The following SHQ1 variants were observed in gnomAD, a reference collection of about 807,000 sequenced individuals.
SHQ1 encodes protein SHQ1 homolog.
A neutral mutation model predicts 53.8 loss-of-function variants in SHQ1; 49 were observed. The ratio of observed to expected loss-of-function variants is 0.91; its 90% CI spans 0.72 to 1.16. The LOEUF (loss-of-function observed/expected upper bound fraction) is 1.16. Among genes scored for constraint, SHQ1 ranks in the 50% most tolerant of loss-of-function variants. The probability of loss-of-function intolerance (pLI) is 0.00; values close to 1 mark genes in which losing one functional copy is unlikely to be tolerated. For missense variants in SHQ1, 738 were observed against 683.1 expected, an observed-to-expected ratio of 1.08 and a Z score of -0.90; for synonymous variants, 243 against 251.0, an observed-to-expected ratio of 0.97 and a Z score of 0.30.
chr3:72,760,755 G>A (rs1705593734), intron 10 of SHQ1, among the ~76,000 whole-genome samples: 1 of 152,210 alleles, frequency 6.6e-6, no homozygotes, highest in Non-Finnish European at 1.5e-5. Context: ...AAGTCAGCTT[G>A]ACTGTGATGT....
At chr3:72,759,216 G>T (rs572896770) in intron 10 of SHQ1, among the ~76,000 whole-genome samples, 5 of 152,260 alleles carry the variant, frequency 3.3e-5, no homozygotes, top group African/African-American at 1.2e-4. Context: ...ACATTGTGAG[G>T]TTCTGCAAGG....
intron 9 of SHQ1, among the ~76,000 whole-genome samples, chr3:72,797,085 C>A (rs911060519): frequency 2.6e-5 from 4 of 151,856 alleles, no homozygotes; most frequent in African/African-American, 7.3e-5. Flanking sequence ...TGGTGAAACC[C>A]TGTCTCTACT....
the SHQ1 span, among the ~76,000 whole-genome samples, chr3:72,737,170 C>A: frequency 6.6e-6 from 1 of 151,138 alleles, no homozygotes; most frequent in East Asian, 2.0e-4. Context: ...CCTAGCTACT[C>A]AGGAGACTGA....
At chr3:72,848,157 A>G in intron 1 of SHQ1, 41 bp downstream of exon 1, 1 of 1,612,716 alleles carries the variant, frequency 6.2e-7, no homozygotes, top group Non-Finnish European at 8.5e-7. Flanking sequence ...GCAGCTATCT[A>G]ACGAATGCGC....
At chr3:72,802,956 C>T (rs901038395) in intron 9 of SHQ1, among the ~76,000 whole-genome samples, 1 of 152,160 alleles carries the variant, frequency 6.6e-6, no homozygotes, top group African/African-American at 2.4e-5. Flanking sequence ...CATCTCTTAC[C>T]TCCTTTGCCT....
intron 9 of SHQ1, among the ~76,000 whole-genome samples, chr3:72,812,290 T>C (rs1179844905): frequency 6.6e-6 from 1 of 152,228 alleles, no homozygotes; most frequent in Non-Finnish European, 1.5e-5. Context: ...GACAAAACTG[T>C]AAACTTCAAC....
chr3:72,833,534 CAGATAGATAGATAGAT>C (rs113103994), intron 4 of SHQ1, among the ~76,000 whole-genome samples: 9,852 of 149,730 alleles, frequency 0.066, 482 homozygotes, highest in Non-Finnish European at 0.093. Context: ...GGATGATAGA[CAGATAGATAGATAGAT>C]AGATAGATAG....
At chr3:72,805,658 A>C (rs182527332) in intron 9 of SHQ1, among the ~76,000 whole-genome samples, 6 of 152,304 alleles carry the variant, frequency 3.9e-5, no homozygotes, top group Admixed American at 1.3e-4. Flanking sequence ...AATATAGTGT[A>C]GATTTAAATT....
At position 72,835,590 on chromosome 3, in the gene SHQ1, C is replaced by T. The variant is rs114267325; in HGVS notation, c.487-3109G>A. On this transcript the variant is annotated intron_variant, in intron 4 of 10. Coordinates refer to ENST00000325599, the MANE Select transcript of SHQ1 (RefSeq NM_018130.3). ...TCAGAGGGTAAATGGACCGACATAA[C>T]CCCAGAAATTTAAAAACTCTAACTG... Among the ~76,000 whole-genome samples the T allele has an allele frequency of 2.0e-3, 297 of 152,230 alleles. 1 individual carries two copies. Among genetic ancestry groups the T allele is most frequent in the African/African-American group, 6.8e-3 (281 of 41,526 alleles).
chr3:72,813,744 G>C (rs1707207083), intron 8 of SHQ1, among the ~76,000 whole-genome samples: 1 of 131,650 alleles, frequency 7.6e-6, no homozygotes, highest in Non-Finnish European at 1.6e-5. Context: ...CTAGGTGACA[G>C]AGCGAGACAC....
chr3:72,844,312 G>A, intron 2 of SHQ1, 47 bp downstream of exon 2: 2 of 1,483,910 alleles, frequency 1.3e-6, no homozygotes, highest in East Asian at 2.3e-5. Context: ...TGTAAATAAT[G>A]TGAAAAATCC....
chr3:72,799,364 A>G lies in SHQ1; in HGVS notation c.1061-6328T>C, dbSNP rs79754707. On this transcript the variant is annotated intron_variant, in intron 9 of 10. Coordinates refer to ENST00000325599, the MANE Select transcript of SHQ1 (RefSeq NM_018130.3). ...AATTCTGGGATTCTGATGAGACCAT[A>G]TTATCAAAACAGATATGAAGTATTT... Among the ~76,000 whole-genome samples the G allele has an allele frequency of 5.1e-3, 783 of 152,328 alleles. 10 individuals carry two copies. Among genetic ancestry groups the G allele is most frequent in the African/African-American group, 0.018 (753 of 41,578 alleles).
the SHQ1 span, among the ~76,000 whole-genome samples, chr3:72,732,346 A>ATGCCTGCC: frequency 2.1e-4 from 25 of 118,918 alleles, no homozygotes; most frequent in African/African-American, 7.5e-4. Flanking sequence ...AGCCAGTAAA[A>ATGCCTGCC]TGCCTGCCTG....
chr3:72,757,352 C>A (rs1705517002), intron 10 of SHQ1, among the ~76,000 whole-genome samples: 1 of 151,384 alleles, frequency 6.6e-6, no homozygotes, highest in Non-Finnish European at 1.5e-5. Context: ...TATCTGGGAC[C>A]AAACAGTAGA....
rs142159819 is a variant in SHQ1, at chr3:72,835,236, A to AT, written c.487-2756dup. On this transcript the variant is annotated intron_variant, in intron 4 of 10. Transcript: ENST00000325599. Reference sequence around the variant, plus strand: ...ATATTCTGGGGAGAAGCACAAGGACATTTTTTTGGGGAAGGGGACAGTTTT... The same window carrying AT: ...ATATTCTGGGGAGAAGCACAAGGACATTTTTTTTGGGGAAGGGGACAGTTTT... Among the ~76,000 whole-genome samples the AT allele has an allele frequency of 5.5e-3, 835 of 151,822 alleles. 10 individuals carry two copies. The highest frequency in any genetic ancestry group is 0.019 in the African/African-American group (805 of 41,382).
At chr3:72,832,812 C>T (rs543969920) in intron 4 of SHQ1, among the ~76,000 whole-genome samples, 19 of 152,244 alleles carry the variant, frequency 1.2e-4, no homozygotes, top group African/African-American at 4.6e-4. Flanking sequence ...CATCCATTTC[C>T]CCATTTACAC....
intron 10 of SHQ1, among the ~76,000 whole-genome samples, chr3:72,770,039 C>G (rs548874640): frequency 1.3e-5 from 2 of 152,268 alleles, no homozygotes; most frequent in African/African-American, 2.4e-5. Flanking sequence ...TAGCACAATG[C>G]CTGGTATGCA....
intron 10 of SHQ1, among the ~76,000 whole-genome samples, chr3:72,758,063 T>C (rs1705535054): frequency 6.6e-6 from 1 of 152,202 alleles, no homozygotes; most frequent in South Asian, 2.1e-4. Flanking sequence ...TTAGGTTCCT[T>C]GGCCCAAAAC....
At position 72,787,980 on chromosome 3, in the gene SHQ1, T is replaced by A. The variant is rs1327567555; in HGVS notation, c.1181+4936A>T. The stretch of plus-strand genomic sequence containing the variant: ...ATCTGCCAGCCTCAGCCTCCCGAGG[T>A]GCCGGGATTGCAGACGGAGTCTCGC... On this transcript the variant is annotated intron_variant, in intron 10 of 10. Transcript: ENST00000325599. Among the ~76,000 whole-genome samples, 6 of 152,168 alleles carry A rather than the reference T, an allele frequency of 3.9e-5. No homozygotes were observed. In the East Asian group the frequency reaches 1.2e-3, roughly 29 times the overall value.
Sources: gnomAD v4.1 joint callset for allele counts (sites outside exome capture counted in the v4.1 genomes callset) on GRCh38, gnomAD v4.1.1 for gene constraint, MANE v1.5 for transcripts, NCBI Gene and HGNC (gene_info 2026-07-23, HGNC 2026-07-21) for gene names.